The following PAG1 variants were observed in gnomAD, a reference collection of about 807,000 sequenced individuals.
PAG1 encodes phosphoprotein associated with glycosphingolipid-enriched microdomains 1.
PAG1 carries 23 observed loss-of-function variants against 31.7 expected under a neutral mutation model. The ratio of observed to expected loss-of-function variants is 0.73; its 90% CI spans 0.52 to 1.03. The LOEUF is 1.03. Among genes scored for constraint, PAG1 ranks in the 50% least tolerant of loss-of-function variants. The pLI, the probability that PAG1 is intolerant of heterozygous loss-of-function variation, is 0.00. For synonymous variants in PAG1, 214 were observed against 210.3 expected, an observed-to-expected ratio of 1.02 and a Z score of -0.15; for missense variants, 473 against 540.7, an observed-to-expected ratio of 0.87 and a Z score of 1.24.
chr8:81,080,265 T>C (rs1361794221), intron 1 of PAG1, among the ~76,000 whole-genome samples: 1 of 152,120 alleles, frequency 6.6e-6, no homozygotes, highest in Non-Finnish European at 1.5e-5. Context: ...CCTTCGTAGA[T>C]GGACTAGTGA....
chr8:81,110,075 T>C (rs1809751056), intron 1 of PAG1, among the ~76,000 whole-genome samples: 1 of 152,218 alleles, frequency 6.6e-6, no homozygotes, highest in African/African-American at 2.4e-5. Flanking sequence ...CTTTACACTT[T>C]AAATAAGGTG....
At chr8:81,010,553 C>T (rs377757417) in intron 3 of PAG1, among the ~76,000 whole-genome samples, 5 of 152,134 alleles carry the variant, frequency 3.3e-5, no homozygotes, top group East Asian at 1.9e-4. Flanking sequence ...TGTTTTTAAG[C>T]GTATGTCAAA....
At chr8:81,036,632 T>C (rs974018288) in intron 2 of PAG1, among the ~76,000 whole-genome samples, 5 of 152,164 alleles carry the variant, frequency 3.3e-5, no homozygotes, top group African/African-American at 7.2e-5. Flanking sequence ...CTGTGCAATA[T>C]TGGAAAAACA....
chr8:81,083,094 A>G lies in PAG1; in HGVS notation c.-233-12924T>C, dbSNP rs1246755222. Among the ~76,000 whole-genome samples, 3 of 151,986 alleles carry G rather than the reference A, an allele frequency of 2.0e-5. No individual in the cohort carries two copies. In the East Asian group the frequency reaches 5.8e-4, roughly 29 times the overall value. On this transcript the variant is annotated intron_variant, in intron 1 of 8. Coordinates refer to ENST00000220597, the MANE Select transcript of PAG1 (RefSeq NM_018440.4). Reference sequence around the variant, plus strand: ...CAGAAGGGAATGGGGAGACTGTGTTATTATTGCTGGTTCATCCTGATTACT... The same window carrying G: ...CAGAAGGGAATGGGGAGACTGTGTTGTTATTGCTGGTTCATCCTGATTACT...
chr8:81,051,858 C>T (rs979278523), intron 2 of PAG1, among the ~76,000 whole-genome samples: 1 of 152,096 alleles, frequency 6.6e-6, no homozygotes, highest in Admixed American at 6.6e-5. Context: ...TGGCCGGGCG[C>T]GGTGGCTCAC....
intron 5 of PAG1, among the ~76,000 whole-genome samples, chr8:80,989,369 C>G (rs962296846): frequency 1.3e-5 from 2 of 152,132 alleles, no homozygotes; most frequent in African/African-American, 4.8e-5. Flanking sequence ...GCTGAAGTTA[C>G]CATAATCTAG....
At chr8:81,054,950 C>A (rs184456151) in intron 2 of PAG1, among the ~76,000 whole-genome samples, 31 of 152,250 alleles carry the variant, frequency 2.0e-4, no homozygotes, top group African/African-American at 6.7e-4. Context: ...GTAGAAAGAA[C>A]CCAATGTGGC....
rs992675321 is a variant in PAG1 at position 81,112,057 on chromosome 8, G to C, written c.-700C>G. Reference sequence around the variant, plus strand: ...TACCGCAGCCAGCACTCGCCGCCGCGCCGCGGAGAATGACAGGCGCCGAGG... The same window carrying C: ...TACCGCAGCCAGCACTCGCCGCCGCCCCGCGGAGAATGACAGGCGCCGAGG... On this transcript the variant is annotated 5_prime_UTR_variant, in exon 1 of 9. Transcript: ENST00000220597. 6.6e-6 allele frequency: 1 copy of C among 152,116 alleles called. No individual in the cohort carries two copies. The highest frequency in any genetic ancestry group is 2.4e-5 in the African/African-American group (1 of 41,436). The allele number at this position is 152,116 out of a possible 1,614,324, so 9.4% of individuals were successfully genotyped here. A position where few individuals can be genotyped will look rare whatever the true frequency, so the allele number is the denominator to read the frequency against.
intron 1 of PAG1, among the ~76,000 whole-genome samples, chr8:81,085,834 T>C (rs1468032810): frequency 3.3e-5 from 5 of 152,238 alleles, no homozygotes; most frequent in African/African-American, 7.2e-5. Flanking sequence ...TAAACCTAAG[T>C]ACACTGTCAG....
chr8:81,111,541 CCT>C (rs1365232083), intron 1 of PAG1, 48 bp downstream of exon 1: 1 of 152,392 alleles, frequency 6.6e-6, no homozygotes, highest in African/African-American at 2.4e-5. Flanking sequence ...TAAAAACGAA[CCT>C]CTCCTTCCCA....
At chr8:81,065,710 T>C (rs1447618395) in intron 2 of PAG1, among the ~76,000 whole-genome samples, 1 of 152,120 alleles carries the variant, frequency 6.6e-6, no homozygotes, top group Non-Finnish European at 1.5e-5. Flanking sequence ...TCAGGGCATA[T>C]TTTCTTTAAG....
At chr8:81,027,904 CAAAA>C (rs35780204) in intron 3 of PAG1, among the ~76,000 whole-genome samples, 3 of 52,834 alleles carry the variant, frequency 5.7e-5, no homozygotes, top group Non-Finnish European at 4.2e-5. Flanking sequence ...GACTCCGTCT[CAAAA>C]AAAAAAAAAA....
At chr8:80,977,007 G>A in intron 8 of PAG1, 101 bp from the exon 9 acceptor site, 2 of 1,024,728 alleles carry the variant, frequency 2.0e-6, no homozygotes, top group Non-Finnish European at 2.9e-6. Context: ...GTTTCTGTGT[G>A]TGTACTCCTT....
chr8:81,010,724 C>T (rs913742692), intron 3 of PAG1, among the ~76,000 whole-genome samples: 2 of 152,188 alleles, frequency 1.3e-5, no homozygotes, highest in Admixed American at 1.3e-4. Context: ...GGACACAGTA[C>T]ACTTTGTTCA....
chr8:80,991,608 ATTC>A, intron 4 of PAG1, 78 bp from the exon 5 acceptor site: 1 of 924,646 alleles, frequency 1.1e-6, no homozygotes, highest in Non-Finnish European at 1.8e-6. Flanking sequence ...TCCTATCCCA[ATTC>A]TTATCAGCTT....
At chr8:81,037,589 T>C (rs1586180472) in intron 2 of PAG1, among the ~76,000 whole-genome samples, 1 of 152,246 alleles carries the variant, frequency 6.6e-6, no homozygotes, top group Admixed American at 6.5e-5. Flanking sequence ...TTCTCAGGCA[T>C]CTGAATACAA....
intron 2 of PAG1, among the ~76,000 whole-genome samples, chr8:81,061,710 A>T (rs1808919853): frequency 6.6e-6 from 1 of 152,216 alleles, no homozygotes; most frequent in Admixed American, 6.5e-5. Flanking sequence ...GTAGGTGAAG[A>T]CTGACAAAAG....
At chr8:81,104,002 G>GC (rs1271145089) in intron 1 of PAG1, among the ~76,000 whole-genome samples, 4 of 152,088 alleles carry the variant, frequency 2.6e-5, no homozygotes, top group Non-Finnish European at 4.4e-5. Flanking sequence ...TTGAGATCCA[G>GC]AAAAAAATAA....
intron 2 of PAG1, among the ~76,000 whole-genome samples, chr8:81,040,091 T>G (rs989356652): frequency 6.6e-6 from 1 of 152,210 alleles, no homozygotes; most frequent in Admixed American, 6.5e-5. Context: ...CTTGGTTAAT[T>G]CATGTCTTTG....
Sources: allele counts gnomAD v4.1 joint callset (sites outside exome capture counted in the v4.1 genomes callset), GRCh38; gene constraint gnomAD v4.1.1; transcripts MANE v1.5; gene names NCBI Gene and HGNC (gene_info 2026-07-23, HGNC 2026-07-21).